IQCM: variants seen among roughly 807,000 people sequenced by gnomAD.
IQCM encodes IQ motif containing M.
In IQCM, 45 loss-of-function variants were observed where a neutral mutation model predicts 57.6. The ratio of observed to expected loss-of-function variants is 0.78; its 90% confidence interval spans 0.62 to 1.00. IQCM has a LOEUF of 1.00. Among genes scored for constraint, IQCM ranks in the 50% least tolerant of loss-of-function variants. IQCM has a pLI of 0.00. For synonymous variants in IQCM, 148 were observed against 158.9 expected (o/e 0.93, Z 0.51); for missense variants, 468 against 511.6 (o/e 0.91, Z 0.82).
chr4:149,604,026 A>G (rs1450400906), intron 8 of IQCM, among the ~76,000 whole-genome samples: 1 of 152,148 alleles, frequency 6.6e-6, no homozygotes, highest in Non-Finnish European at 1.5e-5. Context: ...TCTGAAATGT[A>G]TAAAAAGCTC....
chr4:149,490,903 T>C (rs926966276), intron 12 of IQCM, among the ~76,000 whole-genome samples: 12 of 152,154 alleles, frequency 7.9e-5, no homozygotes, highest in Admixed American at 3.9e-4. Context: ...GCACACACCC[T>C]GACAGTAGCC....
chr4:149,471,046 A>T (rs1739474333), intron 12 of IQCM, among the ~76,000 whole-genome samples: 1 of 152,196 alleles, frequency 6.6e-6, no homozygotes. Flanking sequence ...CCCTAACATC[A>T]CAATTAAAAG....
At chr4:149,589,210 A>G (rs1752903774) in intron 8 of IQCM, among the ~76,000 whole-genome samples, 1 of 151,990 alleles carries the variant, frequency 6.6e-6, no homozygotes, top group African/African-American at 2.4e-5. Context: ...TAAACTTGAT[A>G]AATGAGTAAA....
At chr4:149,791,893 G>A (rs1437951048) in intron 2 of IQCM, among the ~76,000 whole-genome samples, 1 of 152,000 alleles carries the variant, frequency 6.6e-6, no homozygotes, top group Non-Finnish European at 1.5e-5. Context: ...TCAACACAGA[G>A]ATTAAATACC....
intron 7 of IQCM, among the ~76,000 whole-genome samples, chr4:149,667,383 A>G (rs1342091301): frequency 6.6e-6 from 1 of 152,150 alleles, no homozygotes; most frequent in African/African-American, 2.4e-5. Context: ...GAAGAGCATC[A>G]ACATCGACAA....
intron 13 of IQCM, among the ~76,000 whole-genome samples, chr4:149,398,805 C>A: frequency 6.6e-6 from 1 of 152,060 alleles, no homozygotes; most frequent in Non-Finnish European, 1.5e-5. Context: ...CTCCAGGGCT[C>A]AAGTGATCCT....
chr4:149,706,153 G>A (rs1192304766), intron 5 of IQCM, among the ~76,000 whole-genome samples: 4 of 151,880 alleles, frequency 2.6e-5, no homozygotes, highest in Non-Finnish European at 4.4e-5. Flanking sequence ...GTCACAATTC[G>A]TGTGACAAAC....
intron 11 of IQCM, 101 bp downstream of exon 11, chr4:149,553,042 T>C (rs1344308565): frequency 2.3e-6 from 2 of 869,380 alleles, no homozygotes; most frequent in Non-Finnish European, 1.5e-6. Context: ...CAATATAACA[T>C]ATAATCTACC....
chr4:149,589,079 T>C (rs1752892695), intron 8 of IQCM, among the ~76,000 whole-genome samples: 1 of 151,944 alleles, frequency 6.6e-6, no homozygotes, highest in African/African-American at 2.4e-5. Flanking sequence ...GGTCATTCAG[T>C]GTGGTCCAAA....
intron 13 of IQCM, among the ~76,000 whole-genome samples, chr4:149,368,709 T>C (rs563571549): frequency 2.1e-5 from 3 of 145,448 alleles, no homozygotes; most frequent in African/African-American, 7.5e-5. Flanking sequence ...TAATAAAAGT[T>C]AAAGACATTA....
intron 13 of IQCM, among the ~76,000 whole-genome samples, 160 bp from the exon 14 acceptor site, chr4:149,352,226 T>C (rs988160206): frequency 3.9e-5 from 6 of 152,196 alleles, no homozygotes; most frequent in Admixed American, 3.3e-4. Flanking sequence ...GTGTAGTGTG[T>C]TACCTTATAT....
At chr4:149,692,598 C>A (rs974724281) in intron 5 of IQCM, among the ~76,000 whole-genome samples, 1 of 152,112 alleles carries the variant, frequency 6.6e-6, no homozygotes, top group African/African-American at 2.4e-5. Context: ...CTGCATCCAA[C>A]ATACAAAATA....
chr4:149,582,307 CATAT>C (rs70965193), intron 9 of IQCM, among the ~76,000 whole-genome samples: 33 of 88,070 alleles, frequency 3.7e-4, no homozygotes, highest in Admixed American at 7.2e-4. Flanking sequence ...ATGCTGTAGA[CATAT>C]ATATATATAT....
chr4:149,572,196 T>C (rs561137675), intron 9 of IQCM, among the ~76,000 whole-genome samples: 2 of 152,192 alleles, frequency 1.3e-5, no homozygotes, highest in South Asian at 4.1e-4. Flanking sequence ...AGGGACTGGC[T>C]TCCTTCACAT....
intron 12 of IQCM, among the ~76,000 whole-genome samples, chr4:149,528,100 C>T (rs143085644): frequency 0.017 from 2,621 of 151,922 alleles, 75 homozygotes; most frequent in African/African-American, 0.061. Context: ...ATTCTCGTGC[C>T]GCAGCCTCCT....
intron 2 of IQCM, among the ~76,000 whole-genome samples, chr4:149,763,974 A>C (rs1301431583): frequency 6.6e-6 from 1 of 152,156 alleles, no homozygotes; most frequent in South Asian, 2.1e-4. Flanking sequence ...TGCATTTAAA[A>C]AAAACAAAAT....
intron 12 of IQCM, among the ~76,000 whole-genome samples, chr4:149,517,341 T>C: frequency 6.6e-6 from 1 of 152,222 alleles, no homozygotes; most frequent in South Asian, 2.1e-4. Context: ...TTGTATTTCC[T>C]TTACCCTTTA....
intron 8 of IQCM, among the ~76,000 whole-genome samples, chr4:149,612,155 G>T (rs2150055038): frequency 6.6e-6 from 1 of 151,896 alleles, no homozygotes; most frequent in Non-Finnish European, 1.5e-5. Flanking sequence ...AGATCTTGTG[G>T]AAATTCACTA....
At chr4:149,391,227 G>C (rs1009731465) in intron 13 of IQCM, among the ~76,000 whole-genome samples, 18 of 151,842 alleles carry the variant, frequency 1.2e-4, no homozygotes, top group Admixed American at 9.9e-4. Flanking sequence ...AGTTTCAATA[G>C]TTCATGTGTT....
Sources: gnomAD v4.1 joint callset for allele counts (sites outside exome capture counted in the v4.1 genomes callset) on GRCh38, gnomAD v4.1.1 for gene constraint, MANE v1.5 for transcripts, NCBI Gene and HGNC (gene_info 2026-07-23, HGNC 2026-07-21) for gene names.